Variants in TRIM32 observed in about 807,000 individuals in gnomAD.
The protein encoded by TRIM32 is tripartite motif containing 32.
In TRIM32, 19 loss-of-function variants were observed where a neutral mutation model predicts 36.0. The ratio of observed to expected loss-of-function variants is 0.53; its 90% CI spans 0.37 to 0.77. The LOEUF (loss-of-function observed/expected upper bound fraction) is 0.77, where lower values mean the gene tolerates loss of function less well. TRIM32 is among the 30% of genes least tolerant of loss of function. The pLI is 0.00. For missense variants in TRIM32, 747 were observed against 845.2 expected, an observed-to-expected ratio of 0.88 and a Z score of 1.44; for synonymous variants, 309 against 318.5, an observed-to-expected ratio of 0.97 and a Z score of 0.32.
In TRIM32 at chr9:116,699,810, C is replaced by G; in HGVS notation, c.*106C>G. Reference sequence around the variant, plus strand: ...AATAGACTCAGCCTATGTCCTGATTCCAGCTGGGTAGTTCTAGAACTTCAG... The same window carrying G: ...AATAGACTCAGCCTATGTCCTGATTGCAGCTGGGTAGTTCTAGAACTTCAG... On this transcript the variant is annotated 3_prime_UTR_variant, in exon 2 of 2. Transcript: ENST00000450136. This position sits in a 1 kb window ranked among gnomAD's most constrained non-coding sequence, Gnocchi z 4.2. 1 of 1,496,668 alleles carries G rather than the reference C, an allele frequency of 6.7e-7. No individual in the cohort carries two copies. Among genetic ancestry groups the G allele is most frequent in the Non-Finnish European group, 9.2e-7 (1 of 1,083,016 alleles). The allele number at this position is 1,496,668 out of a possible 1,614,324, so 92.7% of individuals were successfully genotyped here.
At position 116,697,930 on chromosome 9, in the gene TRIM32, T is replaced by C. The variant is rs1860952573; in HGVS notation, c.188T>C (p.Phe63Ser). ...AGCATCAATGGTGTCCGCTGTCCCT[T>C]TTGCAGCAAGATTACCCGCATAACC... ...ASSINGVRCP[F>S]CSKITRITSL... is the part of the protein sequence containing the mutation. The change falls in exon 2 of 2, where the codon TTT becomes TCT. Residue 63 changes from phenylalanine to serine, a missense_variant. By Grantham distance (155) the Phe-to-Ser change is radical. Transcript: ENST00000450136. The C allele has an allele frequency of 6.2e-7, 1 of 1,614,174 alleles. No homozygotes were observed. Among genetic ancestry groups the C allele is most frequent in the African/African-American group, 1.3e-5 (1 of 75,048 alleles).
At position 116,698,108 on chromosome 9, in the gene TRIM32, C is replaced by G. The variant is rs137947083; in HGVS notation, c.366C>G (p.Pro122=). The G allele has an allele frequency of 1.8e-5, 29 of 1,613,992 alleles. No homozygotes were observed. The African/African-American group carries it at 2.5e-4, about 14-fold the overall frequency. The stretch of plus-strand genomic sequence containing the variant: ...GCTGTGGTTTGGTGTTATGTGAGCC[C>G]TGCCGGGAGGCAGACCATCAGCCTC... ...CRSCGLVLCE[P]CREADHQPPG... is the part of the protein sequence containing the mutation. The change falls in exon 2 of 2, where the codon CCC becomes CCG. Residue 122 remains proline, a synonymous_variant. Coordinates refer to ENST00000450136, the MANE Select transcript of TRIM32 (RefSeq NM_012210.4). This position sits in a 1 kb window ranked among gnomAD's most constrained non-coding sequence, Gnocchi z 4.4.
Position 116,700,008 on chromosome 9 carries a change from T to C in TRIM32, c.*304T>C, listed in dbSNP as rs1861094728. 1 of 436,986 alleles carries C rather than the reference T, an allele frequency of 2.3e-6. No individual in the cohort carries two copies. The highest frequency in any genetic ancestry group is 4.4e-5 in the East Asian group (1 of 22,874). The allele number at this position is 436,986 out of a possible 1,614,324, so 27.1% of individuals were successfully genotyped here. A position where few individuals can be genotyped will look rare whatever the true frequency, so the allele number is the denominator to read the frequency against. ...AGTAGAGAGAGCCACTTTAGCCCTT[T>C]GTGCCATGTTTGAAATTTGCCCTTG... On this transcript the variant is annotated 3_prime_UTR_variant, in exon 2 of 2. Coordinates refer to ENST00000450136, the MANE Select transcript of TRIM32 (RefSeq NM_012210.4).
intron 1 of TRIM32, among the ~76,000 whole-genome samples, chr9:116,695,530 G>C (rs1588211585): frequency 6.6e-6 from 1 of 152,228 alleles, no homozygotes; most frequent in Non-Finnish European, 1.5e-5. Context: ...CCTGGAGAAA[G>C]AGTTGATGTC....
chr9:116,696,121 T>C (rs1860838031), intron 1 of TRIM32, among the ~76,000 whole-genome samples: 1 of 152,194 alleles, frequency 6.6e-6, no homozygotes, highest in South Asian at 2.1e-4. Context: ...ATCTTCCTGC[T>C]TCAAAACATT....
In TRIM32 at chr9:116,701,188, T is replaced by G. The variant is rs1475493871; in HGVS notation, c.*1484T>G. ...TGCCTTACTTTGATGTAAACAAAATTTGCTAAACTGAGCTGCTCAAAATTG... is the reference window on the plus strand; with the variant it reads ...TGCCTTACTTTGATGTAAACAAAATGTGCTAAACTGAGCTGCTCAAAATTG... On this transcript the variant is annotated 3_prime_UTR_variant, in exon 2 of 2. Coordinates refer to ENST00000450136, the MANE Select transcript of TRIM32 (RefSeq NM_012210.4). 2 of 167,106 alleles carry G rather than the reference T, an allele frequency of 1.2e-5. No homozygotes were observed. Among genetic ancestry groups the G allele is most frequent in the Non-Finnish European group, 2.9e-5 (2 of 68,130 alleles). 10.4% of individuals were successfully genotyped at this position (167,106 alleles called of 1,614,324 possible). A position where few individuals can be genotyped will look rare whatever the true frequency, so the allele number is the denominator to read the frequency against.
rs41266677 is a variant in TRIM32, at chr9:116,700,781, C to T, written c.*1077C>T. 2.9e-3 allele frequency: 489 copies of T among 166,988 alleles called. 2 individuals are homozygous for T. Among genetic ancestry groups the T allele is most frequent in the Non-Finnish European group, 5.3e-3 (363 of 68,106 alleles). The allele number at this position is 166,988 out of a possible 1,614,324, so 10.3% of individuals were successfully genotyped here. ...GGTGTTCATGTCTTTTAATTAAATA[C>T]GGAATTTTGGAGATGATAAGAGGGA... On this transcript the variant is annotated 3_prime_UTR_variant, in exon 2 of 2. Coordinates refer to ENST00000450136, the MANE Select transcript of TRIM32 (RefSeq NM_012210.4).
At position 116,698,420 on chromosome 9, in the gene TRIM32, C is replaced by A. The variant is rs398124253; in HGVS notation, c.678C>A (p.Tyr226Ter). ...SNSQVVEEQS[Y>*]LLNIAEVQAV... Reference sequence around the variant, plus strand: ...GTCAAGTGGTAGAGGAGCAGAGTTACCTGCTTAACATTGCAGAGGTGCAGG... The same window carrying A: ...GTCAAGTGGTAGAGGAGCAGAGTTAACTGCTTAACATTGCAGAGGTGCAGG... The change falls in exon 2 of 2, where the codon TAC becomes TAA. Residue 226 changes from tyrosine (Y) to a stop codon, truncating the protein, a stop_gained. Transcript: ENST00000450136. LOFTEE classifies it high-confidence loss of function. This position sits in a 1 kb window ranked among gnomAD's most constrained non-coding sequence, Gnocchi z 4.4. The A allele has an allele frequency of 1.2e-6, 2 of 1,614,122 alleles. No homozygotes were observed. The highest frequency in any genetic ancestry group is 3.3e-5 in the Admixed American group (2 of 60,020).
chr9:116,691,933 A>G (rs1322357256), intron 1 of TRIM32, among the ~76,000 whole-genome samples: 2 of 152,220 alleles, frequency 1.3e-5, no homozygotes, highest in African/African-American at 4.8e-5. Flanking sequence ...CAATAGTAGG[A>G]TGGACCTTTA....
chr9:116,697,995 A>T lies in TRIM32; in HGVS notation c.253A>T (p.Ile85Phe). The change falls in exon 2 of 2, where the codon ATC (isoleucine) becomes TTC (phenylalanine). Residue 85 changes from isoleucine to phenylalanine, a missense_variant. Physicochemically the swap from Ile to Phe is conservative, Grantham distance 21 (BLOSUM62 0). Coordinates refer to ENST00000450136, the MANE Select transcript of TRIM32 (RefSeq NM_012210.4). ...QLTDNLTVLK[I>F]IDTAGLSEAV... ...GACAGACAATCTGACAGTGCTAAAGATCATTGATACAGCTGGGCTCAGCGA... is the reference window on the plus strand; with the variant it reads ...GACAGACAATCTGACAGTGCTAAAGTTCATTGATACAGCTGGGCTCAGCGA... The T allele has an allele frequency of 1.2e-6, 2 of 1,614,206 alleles. No individual in the cohort carries two copies. Among genetic ancestry groups the T allele is most frequent in the Non-Finnish European group, 1.7e-6 (2 of 1,180,052 alleles).
chr9:116,698,730 G>A lies in TRIM32; in HGVS notation c.988G>A (p.Glu330Lys). 6.2e-7 allele frequency: 1 copy of A among 1,614,182 alleles called. No individual in the cohort carries two copies. The highest frequency in any genetic ancestry group is 8.5e-7 in the Non-Finnish European group (1 of 1,180,040). ...TTTTAGAGAGATGGACATGAGCCCG[G>A]AGGAAGTGGTTGCCAGCCCTAGGGC... ...VTFREMDMSP[E>K]EVVASPRASP... Residue 330 changes from glutamate (E) to lysine (K), a missense_variant, in exon 2 of 2, where the codon GAG (glutamate) becomes AAG (lysine). Glu to Lys is a moderately conservative substitution (Grantham distance 56). Coordinates refer to ENST00000450136, the MANE Select transcript of TRIM32 (RefSeq NM_012210.4). The surrounding 1 kb of genome is among the most constrained non-coding windows in gnomAD (Gnocchi z 4.4).
rs1431470875 is a variant in TRIM32, at chr9:116,697,908, A to G, written c.166A>G (p.Ile56Val). Residue 56 changes from isoleucine (I) to valine (V), a missense_variant, in exon 2 of 2, where the codon ATC becomes GTC. Transcript: ENST00000450136. ...QCLEKLLASS[I>V]NGVRCPFCSK... ...CCTGGAGAAGCTATTGGCCAGTAGCATCAATGGTGTCCGCTGTCCCTTTTG... is the reference window on the plus strand; with the variant it reads ...CCTGGAGAAGCTATTGGCCAGTAGCGTCAATGGTGTCCGCTGTCCCTTTTG... 6.2e-7 allele frequency: 1 copy of G among 1,614,234 alleles called. No individual in the cohort carries two copies. The highest frequency in any genetic ancestry group is 1.7e-5 in the Admixed American group (1 of 60,034).
Position 116,699,396 on chromosome 9 carries a change from A to G in TRIM32, c.1654A>G (p.Ile552Val). The G allele has an allele frequency of 1.9e-6, 3 of 1,614,032 alleles. No individual in the cohort carries two copies. The South Asian group carries it at 3.3e-5, about 18-fold the overall frequency. The part of the protein sequence containing the change: ...NEHHLEGGFS[I>V]GSVGPDGQLG... ...GCACCACCTGGAGGGTGGCTTTTCC[A>G]TTGGCTCTGTAGGCCCTGATGGGCA... The change falls in exon 2 of 2, where the codon ATT becomes GTT. Residue 552 changes from isoleucine to valine, a missense_variant. Physicochemically the swap from Ile to Val is conservative, Grantham distance 29. Coordinates refer to ENST00000450136, the MANE Select transcript of TRIM32 (RefSeq NM_012210.4). The surrounding 1 kb of genome is among the most constrained non-coding windows in gnomAD (Gnocchi z 4.2).
In TRIM32 at chr9:116,701,157, A is replaced by G. The variant is rs1163631991; in HGVS notation, c.*1453A>G. 6.0e-6 allele frequency: 1 copy of G among 167,118 alleles called. No homozygotes were observed. The allele number at this position is 167,118 out of a possible 1,614,324, so 10.4% of individuals were successfully genotyped here. A position where few individuals can be genotyped will look rare whatever the true frequency, so the allele number is the denominator to read the frequency against. The stretch of plus-strand genomic sequence containing the variant: ...GTGCAGGGCTGATGGCAAGCCAAAG[A>G]GCAACTGCCTTACTTTGATGTAAAC... On this transcript the variant is annotated 3_prime_UTR_variant, in exon 2 of 2. Transcript: ENST00000450136.
intron 1 of TRIM32, among the ~76,000 whole-genome samples, chr9:116,696,894 T>C (rs1285843175): frequency 1.3e-5 from 2 of 151,750 alleles, no homozygotes; most frequent in African/African-American, 4.8e-5. Flanking sequence ...AATTTTCTGC[T>C]TCTGTGGATG....
rs757902820 is a variant in TRIM32 at position 116,698,897 on chromosome 9, A to C, written c.1155A>C (p.Val385=). ...TCTACGTGACCAGTCAAGGTGAAGT[A>C]CTAGTCGCTGACCGTGGTAACTATC... ...VSLYVTSQGE[V]LVADRGNYRI... is the part of the protein sequence containing the mutation. The change falls in exon 2 of 2, where the codon GTA becomes GTC. Residue 385 remains valine, a synonymous_variant. Transcript: ENST00000450136. This position sits in a 1 kb window ranked among gnomAD's most constrained non-coding sequence, Gnocchi z 4.4. 14 of 1,614,234 alleles carry C rather than the reference A, an allele frequency of 8.7e-6. No homozygotes were observed. Among genetic ancestry groups the C allele is most frequent in the Non-Finnish European group, 4.2e-6 (5 of 1,180,046 alleles).
chr9:116,692,336 A>C (rs1860612125), intron 1 of TRIM32, among the ~76,000 whole-genome samples: 1 of 152,192 alleles, frequency 6.6e-6, no homozygotes, highest in Admixed American at 6.5e-5. Context: ...AGTCTGCTGA[A>C]AAGTGCCTAT....
chr9:116,698,339 G>A lies in TRIM32; in HGVS notation c.597G>A (p.Leu199=). The change falls in exon 2 of 2, where the codon CTG becomes CTA. Residue 199 remains leucine, a synonymous_variant. Coordinates refer to ENST00000450136, the MANE Select transcript of TRIM32 (RefSeq NM_012210.4). This position sits in a 1 kb window ranked among gnomAD's most constrained non-coding sequence, Gnocchi z 4.4. ...AGGAGCGCAGGGTCCAGGATGAGCT[G>A]GCTCGCTCTCGGAAGTTCTTCACAG... is the stretch of plus-strand genomic sequence containing the variant. ...GHEERRVQDE[L]ARSRKFFTGS... The A allele has an allele frequency of 6.2e-7, 1 of 1,614,134 alleles. No homozygotes were observed.
At chr9:116,695,101 C>T (rs1564212923) in intron 1 of TRIM32, among the ~76,000 whole-genome samples, 1 of 152,102 alleles carries the variant, frequency 6.6e-6, no homozygotes, top group Non-Finnish European at 1.5e-5. Context: ...ATTAGTTAAT[C>T]ATTGTTATGT....
Sources: gnomAD v4.1 joint callset for allele counts (sites outside exome capture counted in the v4.1 genomes callset) on GRCh38, gnomAD v4.1.1 for gene constraint, Gnocchi (gnomAD v3.1) non-coding constraint, MANE v1.5 for transcripts, NCBI Gene and HGNC (gene_info 2026-07-23, HGNC 2026-07-21) for gene names.